TENM3: variants seen among roughly 807,000 people sequenced by gnomAD.
The protein encoded by TENM3 is teneurin transmembrane protein 3, also known as teneurin-3.
In TENM3, 63 loss-of-function variants were observed where a neutral mutation model predicts 255.1. That is an observed-to-expected ratio of 0.25 (90% confidence interval 0.20 to 0.30). The LOEUF is 0.30. Among genes scored for constraint, TENM3 ranks in the 10% least tolerant of loss-of-function variants. The pLI is 1.00. For missense variants in TENM3, 2,929 were observed against 3,461.1 expected (o/e 0.85, Z 3.86); for synonymous variants, 1,306 against 1,322.3 (o/e 0.99, Z 0.27).
the TENM3 span, among the ~76,000 whole-genome samples, chr4:181,666,116 G>T: frequency 5.1e-3 from 768 of 151,996 alleles, 5 homozygotes; most frequent in African/African-American, 0.017. Flanking sequence ...TCTTTATTTT[G>T]AAAAGTTTCC....
chr4:181,766,832 T>A, the TENM3 span, among the ~76,000 whole-genome samples: 3 of 151,610 alleles, frequency 2.0e-5, no homozygotes, highest in Non-Finnish European at 2.9e-5. Flanking sequence ...CATGAGCTTA[T>A]CAAAATTCTC....
At chr4:181,626,810 T>G in the TENM3 span, among the ~76,000 whole-genome samples, 1 of 152,170 alleles carries the variant, frequency 6.6e-6, no homozygotes, top group Non-Finnish European at 1.5e-5. Context: ...TTGGAAAAGA[T>G]TTGAACGAGA....
chr4:182,503,562 A>G (rs1736527525), intron 3 of TENM3, among the ~76,000 whole-genome samples: 1 of 152,190 alleles, frequency 6.6e-6, no homozygotes, highest in Admixed American at 6.5e-5. Flanking sequence ...TAAGGATTGC[A>G]GGTTGGCAGT....
intron 1 of TENM3, among the ~76,000 whole-genome samples, chr4:182,168,110 C>T (rs1447838206): frequency 6.6e-6 from 1 of 151,882 alleles, no homozygotes; most frequent in African/African-American, 2.4e-5. Context: ...CTCTACTCTT[C>T]ACTTTTAATC....
the TENM3 span, among the ~76,000 whole-genome samples, chr4:181,733,449 G>T: frequency 6.6e-6 from 1 of 152,156 alleles, no homozygotes; most frequent in Non-Finnish European, 1.5e-5. Context: ...AGAAAGGAGT[G>T]ACTGAAATCA....
At chr4:182,240,319 G>A (rs867516229), upstream of TENM3, among the ~76,000 whole-genome samples, 7 of 152,110 alleles carry the variant, frequency 4.6e-5, no homozygotes, top group African/African-American at 1.7e-4. Flanking sequence ...AAGTGACCCA[G>A]CAAGTAGGAG....
At chr4:181,974,589 A>G in the TENM3 span, among the ~76,000 whole-genome samples, 2 of 151,996 alleles carry the variant, frequency 1.3e-5, no homozygotes, top group Non-Finnish European at 2.9e-5. Context: ...CAAAAAAAGA[A>G]TCAATGTGGC....
At chr4:181,948,990 A>C in the TENM3 span, among the ~76,000 whole-genome samples, 1 of 152,060 alleles carries the variant, frequency 6.6e-6, no homozygotes, top group Non-Finnish European at 1.5e-5. Context: ...CAGGACTCTC[A>C]TTAATGTTAA....
rs138542714 is a variant in TENM3, at chr4:182,311,825, C to T, written c.-75-12121C>T. On this transcript the variant is annotated intron_variant, in intron 1 of 27. Transcript: ENST00000511685. ...TTCATTGAAGAAGCTCCCCCAGTGG[C>T]ACACAGACTTCCCAACTATCACTGG... 4.4e-3 allele frequency among the ~76,000 whole-genome samples: 665 copies of T among 152,326 alleles called. 4 individuals are homozygous for T. Among genetic ancestry groups the T allele is most frequent in the African/African-American group, 0.015 (634 of 41,576 alleles).
chr4:181,605,543 AAAG>A, the TENM3 span, among the ~76,000 whole-genome samples: 3 of 27,412 alleles, frequency 1.1e-4, 1 homozygote, highest in African/African-American at 2.2e-4. Context: ...AGAAAGAAAG[AAAG>A]AAAGAAAGAA....
the TENM3 span, among the ~76,000 whole-genome samples, chr4:181,638,181 G>A: frequency 3.3e-5 from 5 of 152,160 alleles, no homozygotes; most frequent in Non-Finnish European, 5.9e-5. Flanking sequence ...CTGGTTGTTG[G>A]TAATAGAACC....
the TENM3 span, among the ~76,000 whole-genome samples, chr4:182,083,247 G>A: frequency 2.0e-5 from 3 of 152,124 alleles, no homozygotes; most frequent in Admixed American, 6.5e-5. Flanking sequence ...GGTTTGGATT[G>A]GGTCAAATTG....
At chr4:182,421,739 C>A in intron 3 of TENM3, among the ~76,000 whole-genome samples, 1 of 152,036 alleles carries the variant, frequency 6.6e-6, no homozygotes, top group East Asian at 1.9e-4. Flanking sequence ...ATGAAAAGAG[C>A]TGTGAAAAAA....
chr4:182,568,115 T>G (rs1215415220), intron 3 of TENM3, among the ~76,000 whole-genome samples: 2 of 152,206 alleles, frequency 1.3e-5, no homozygotes, highest in African/African-American at 4.8e-5. Flanking sequence ...ACCTAATTCA[T>G]CAGCAAATCC....
the TENM3 span, among the ~76,000 whole-genome samples, chr4:181,656,562 G>A: frequency 6.6e-6 from 1 of 152,138 alleles, no homozygotes; most frequent in East Asian, 1.9e-4. Flanking sequence ...GCAGCGGGGA[G>A]GGTCTGAGTT....
At chr4:182,745,128 T>C (rs1579320368) in intron 19 of TENM3, among the ~76,000 whole-genome samples, 1 of 152,180 alleles carries the variant, frequency 6.6e-6, no homozygotes, top group Admixed American at 6.6e-5. Context: ...ATTTAAACTG[T>C]TGTGTAGTGA....
At chr4:182,784,328 G>T (rs1349625060) in intron 24 of TENM3, among the ~76,000 whole-genome samples, 1 of 151,886 alleles carries the variant, frequency 6.6e-6, no homozygotes, top group African/African-American at 2.4e-5. Flanking sequence ...AGGTGTCAGT[G>T]TGCCCCTGCT....
At chr4:182,124,943 G>T in the TENM3 span, among the ~76,000 whole-genome samples, 103 of 147,976 alleles carry the variant, frequency 7.0e-4, no homozygotes, top group African/African-American at 2.6e-3. Flanking sequence ...TGTGCTACTC[G>T]CCCCTGCTGG....
the TENM3 span, among the ~76,000 whole-genome samples, chr4:181,485,744 G>C: frequency 4.6e-5 from 7 of 152,096 alleles, no homozygotes; most frequent in African/African-American, 1.7e-4. Flanking sequence ...GGTGAACCAA[G>C]TATTTCAATG....
Sources: gnomAD v4.1 joint callset for allele counts (sites outside exome capture counted in the v4.1 genomes callset) on GRCh38, gnomAD v4.1.1 for gene constraint, MANE v1.5 for transcripts, NCBI Gene and HGNC (gene_info 2026-07-23, HGNC 2026-07-21) for gene names.